Variants in ATRNL1 observed in about 807,000 individuals in gnomAD.
ATRNL1 encodes the protein attractin-like protein 1.
A neutral mutation model predicts 182.7 loss-of-function variants in ATRNL1; 95 were observed. That is an observed-to-expected ratio of 0.52 (90% confidence interval 0.44 to 0.62). The LOEUF is 0.62. Among genes scored for constraint, ATRNL1 ranks in the 20% least tolerant of loss-of-function variants. The pLI is 0.00. For missense variants in ATRNL1, 1,471 were observed against 1,679.5 expected (o/e 0.88, Z 2.17); for synonymous variants, 576 against 568.3 (o/e 1.01, Z -0.19).
At chr10:115,516,023 G>T (rs1345516810) in intron 24 of ATRNL1, among the ~76,000 whole-genome samples, 1 of 151,546 alleles carries the variant, frequency 6.6e-6, no homozygotes, top group South Asian at 2.1e-4. Context: ...CTGTCTCCTA[G>T]GGACTATCAA....
intron 27 of ATRNL1, among the ~76,000 whole-genome samples, chr10:115,805,054 A>T (rs1281005261): frequency 6.6e-6 from 1 of 152,092 alleles, no homozygotes; most frequent in Non-Finnish European, 1.5e-5. Flanking sequence ...GTAAATATGT[A>T]AAATTCTAGG....
At chr10:115,344,697 A>G (rs782170736) in intron 19 of ATRNL1, among the ~76,000 whole-genome samples, 1 of 152,200 alleles carries the variant, frequency 6.6e-6, no homozygotes, top group Non-Finnish European at 1.5e-5. Context: ...TCTCTAACAT[A>G]AGAGTTTTGC....
At chr10:115,178,369 G>A (rs1192306319) in intron 8 of ATRNL1, among the ~76,000 whole-genome samples, 3 of 152,136 alleles carry the variant, frequency 2.0e-5, no homozygotes, top group African/African-American at 4.8e-5. Context: ...TTGCAGTAAA[G>A]GTTCCACATG....
chr10:115,509,025 G>A (rs1414556188), intron 24 of ATRNL1, among the ~76,000 whole-genome samples: 1 of 151,934 alleles, frequency 6.6e-6, no homozygotes, highest in Non-Finnish European at 1.5e-5. Context: ...TATGAGCCTT[G>A]GTAATGAGCC....
rs552190931 is a variant in ATRNL1 at position 115,598,216 on chromosome 10, C to G, written c.3795+48680C>G. ...TTCCTTTATTCAGTATAGCAGCTCTCAGACTGTTTGGTGTGAGCATATAAC... is the reference window on the plus strand; with the variant it reads ...TTCCTTTATTCAGTATAGCAGCTCTGAGACTGTTTGGTGTGAGCATATAAC... On this transcript the variant is annotated intron_variant, in intron 26 of 28. Transcript: ENST00000355044. Among the ~76,000 whole-genome samples the G allele has an allele frequency of 1.0e-3, 153 of 150,884 alleles. 5 individuals carry two copies. The South Asian group carries it at 0.032, about 32-fold the overall frequency.
At chr10:115,380,117 G>A (rs1175054081) in intron 19 of ATRNL1, among the ~76,000 whole-genome samples, 2 of 152,072 alleles carry the variant, frequency 1.3e-5, no homozygotes, top group Admixed American at 6.5e-5. Context: ...GTCGTGAGCC[G>A]CCGCGCCTGG....
intron 27 of ATRNL1, among the ~76,000 whole-genome samples, chr10:115,749,533 T>G (rs920304251): frequency 6.6e-6 from 1 of 151,836 alleles, no homozygotes; most frequent in Non-Finnish European, 1.5e-5. Context: ...AAAACTCACG[T>G]GTTTTATTTT....
chr10:115,472,273 A>G (rs1443514690), intron 24 of ATRNL1, among the ~76,000 whole-genome samples: 2 of 151,170 alleles, frequency 1.3e-5, no homozygotes, highest in Non-Finnish European at 3.0e-5. Context: ...GAAATCAGTA[A>G]GTATGATGCC....
At chr10:115,624,791 A>G (rs1555024137) in intron 26 of ATRNL1, among the ~76,000 whole-genome samples, 1 of 152,188 alleles carries the variant, frequency 6.6e-6, no homozygotes. Flanking sequence ...GCTCCTATAT[A>G]AAATAATTAG....
At position 115,254,001 on chromosome 10, in the gene ATRNL1, C is replaced by T. The variant is rs975170962; in HGVS notation, c.1688-11192C>T. 2.6e-5 allele frequency among the ~76,000 whole-genome samples: 4 copies of T among 152,220 alleles called. No individual in the cohort carries two copies. The South Asian group carries it at 6.2e-4, about 24-fold the overall frequency. On this transcript the variant is annotated intron_variant, in intron 10 of 28. Coordinates refer to ENST00000355044, the MANE Select transcript of ATRNL1 (RefSeq NM_207303.4). ...TATGGCTGCATAGTATTCCATGGTG[C>T]ATATGTGCCACATTTTCTTAATCCA...
chr10:115,659,990 A>C (rs11197389), intron 26 of ATRNL1, among the ~76,000 whole-genome samples: 1,772 of 152,268 alleles, frequency 0.012, 36 homozygotes, highest in African/African-American at 0.04. Context: ...CTTTATTCTA[A>C]TGAGGATCCA....
chr10:115,211,107 T>C (rs1849005309), intron 8 of ATRNL1, among the ~76,000 whole-genome samples: 1 of 151,624 alleles, frequency 6.6e-6, no homozygotes, highest in Admixed American at 6.6e-5. Context: ...TTGTGCAGGT[T>C]AGTTACATAT....
At chr10:115,225,475 TTAATATAATA>T (rs140867376) in intron 9 of ATRNL1, among the ~76,000 whole-genome samples, 13 of 143,432 alleles carry the variant, frequency 9.1e-5, no homozygotes, top group South Asian at 8.9e-4. Context: ...ATAAGGCAGA[TTAATATAATA>T]TAATATAATA....
chr10:115,701,201 T>C (rs1287260951), intron 26 of ATRNL1, among the ~76,000 whole-genome samples: 1 of 152,006 alleles, frequency 6.6e-6, no homozygotes, highest in Non-Finnish European at 1.5e-5. Context: ...TGCCCTTGAA[T>C]TGACTTTTGG....
At chr10:115,345,591 A>G (rs937990984) in intron 19 of ATRNL1, among the ~76,000 whole-genome samples, 1 of 152,124 alleles carries the variant, frequency 6.6e-6, no homozygotes. Flanking sequence ...TTTTGGTTTT[A>G]TGAAGGTGTT....
chr10:115,798,951 C>G (rs577729368), intron 27 of ATRNL1, among the ~76,000 whole-genome samples: 1 of 151,922 alleles, frequency 6.6e-6, no homozygotes, highest in African/African-American at 2.4e-5. Context: ...CTCAGCCTCC[C>G]CAGTAGCTGG....
chr10:115,187,011 A>C (rs1055576755), intron 8 of ATRNL1, among the ~76,000 whole-genome samples: 3 of 152,152 alleles, frequency 2.0e-5, no homozygotes, highest in South Asian at 2.1e-4. Context: ...GTATGAAAAC[A>C]TGCTCAATAT....
At chr10:115,581,392 C>T (rs935401175) in intron 26 of ATRNL1, among the ~76,000 whole-genome samples, 3 of 151,986 alleles carry the variant, frequency 2.0e-5, no homozygotes, top group Non-Finnish European at 2.9e-5. Context: ...GGGAGTTTAC[C>T]TCTTACTCAA....
intron 27 of ATRNL1, among the ~76,000 whole-genome samples, chr10:115,780,778 C>T (rs75241776): frequency 0.022 from 3,295 of 152,178 alleles, 103 homozygotes; most frequent in African/African-American, 0.063. Flanking sequence ...CTGACTAAAG[C>T]GTCTTTGGGC....
Sources: allele counts gnomAD v4.1 joint callset (sites outside exome capture counted in the v4.1 genomes callset), GRCh38; gene constraint gnomAD v4.1.1; transcripts MANE v1.5; gene names NCBI Gene and HGNC (gene_info 2026-07-23, HGNC 2026-07-21).